TFDP2: variants seen among roughly 807,000 people sequenced by gnomAD.
TFDP2 encodes the protein transcription factor Dp-2.
TFDP2 carries 17 observed loss-of-function variants against 59.3 expected under a neutral mutation model. That is an observed-to-expected ratio of 0.29 (90% CI 0.20 to 0.43). The LOEUF is 0.43. Ranked by LOEUF, TFDP2 falls within the 20% of genes least tolerant of loss-of-function variation. The pLI is 1.00. For synonymous variants in TFDP2, 180 were observed against 194.7 expected (o/e 0.92, Z 0.63); for missense variants, 391 against 528.8 (o/e 0.74, Z 2.56).
Position 142,145,529 on chromosome 3 carries a change from C to G in TFDP2, c.-93+3654G>C, listed in dbSNP as rs529401216. 9 of 152,172 alleles carry G rather than the reference C, an allele frequency of 5.9e-5. No individual in the cohort carries two copies. In the South Asian group the frequency reaches 1.9e-3, roughly 32 times the overall value. 9.4% of individuals were successfully genotyped at this position (152,172 alleles called of 1,614,324 possible). A position where few individuals can be genotyped will look rare whatever the true frequency, so the allele number is the denominator to read the frequency against. On this transcript the variant is annotated intron_variant, in intron 1 of 12. Transcript: ENST00000489671. ...ATGGCCCCTGTGCAATGATGACACA[C>G]AAATTCTTAAAGCATTCCACATTTT...
intron 1 of TFDP2, among the ~76,000 whole-genome samples, chr3:142,133,318 G>T (rs2062585259): frequency 6.7e-6 from 1 of 150,070 alleles, no homozygotes; most frequent in Non-Finnish European, 1.5e-5. Flanking sequence ...CTAGCCTCAA[G>T]CAATCCTCCT....
At position 142,091,383 on chromosome 3, in the gene TFDP2, C is replaced by T. The variant is rs144379692; in HGVS notation, c.82+1678G>A. ...TTAAACCTGGCCAACAAGGTGAAAC[C>T]GTGGAAACCCTGTCTCTACCAAAAA... On this transcript the variant is annotated intron_variant, in intron 3 of 12. Transcript: ENST00000489671. Among the ~76,000 whole-genome samples the T allele has an allele frequency of 3.4e-3, 513 of 151,900 alleles. 2 individuals are homozygous for T. Among genetic ancestry groups the T allele is most frequent in the African/African-American group, 0.012 (499 of 41,428 alleles).
Position 142,051,897 on chromosome 3 carries a change from G to A in TFDP2, c.82+41164C>T, listed in dbSNP as rs1232669652. ...TCCCAGCACTTTGGGAAGCTGAAGC[G>A]GGAGGATTGCTTGAGCCCAAGAGTT... On this transcript the variant is annotated intron_variant, in intron 3 of 12. Transcript: ENST00000489671. Among the ~76,000 whole-genome samples, 9 of 152,090 alleles carry A rather than the reference G, an allele frequency of 5.9e-5. No individual in the cohort carries two copies. In the East Asian group the frequency reaches 1.7e-3, roughly 29 times the overall value.
At chr3:142,085,709 G>A (rs939171774) in intron 3 of TFDP2, among the ~76,000 whole-genome samples, 4 of 152,148 alleles carry the variant, frequency 2.6e-5, no homozygotes, top group African/African-American at 9.7e-5. Context: ...TTCAGGGTAT[G>A]TGCATATAAC....
chr3:142,040,071 T>C (rs553453547), intron 3 of TFDP2, among the ~76,000 whole-genome samples: 1 of 151,758 alleles, frequency 6.6e-6, no homozygotes, highest in African/African-American at 2.4e-5. Context: ...GTATACATGA[T>C]GTTTGCCATT....
intron 5 of TFDP2, chr3:141,994,634 T>C (rs11569202): frequency 0.07 from 10,763 of 153,766 alleles, 475 homozygotes; most frequent in Non-Finnish European, 0.11. Context: ...CTGGTCTTTA[T>C]GGAAGTAATT....
intron 3 of TFDP2, among the ~76,000 whole-genome samples, chr3:142,040,009 C>T (rs918937276): frequency 3.3e-5 from 5 of 152,128 alleles, no homozygotes; most frequent in Admixed American, 1.3e-4. Flanking sequence ...ATGGGAGAGG[C>T]GTGCCTATAT....
At chr3:142,078,377 G>C (rs1357065805) in intron 3 of TFDP2, among the ~76,000 whole-genome samples, 2 of 152,196 alleles carry the variant, frequency 1.3e-5, no homozygotes, top group Non-Finnish European at 2.9e-5. Flanking sequence ...CAGTCCCAGT[G>C]GTGGTGGCCA....
chr3:142,058,925 A>G (rs1348642568), intron 3 of TFDP2, among the ~76,000 whole-genome samples: 1 of 152,162 alleles, frequency 6.6e-6, no homozygotes, highest in Non-Finnish European at 1.5e-5. Flanking sequence ...GAAAGTTTCA[A>G]TCCTTGGTCT....
At chr3:142,038,603 G>A (rs1159507920) in intron 3 of TFDP2, among the ~76,000 whole-genome samples, 1 of 152,074 alleles carries the variant, frequency 6.6e-6, no homozygotes, top group African/African-American at 2.4e-5. Context: ...TACTGCACAT[G>A]CTCATGTCAG....
At chr3:142,052,261 T>G (rs372028986) in intron 3 of TFDP2, among the ~76,000 whole-genome samples, 32 of 152,022 alleles carry the variant, frequency 2.1e-4, no homozygotes, top group South Asian at 4.2e-4. Flanking sequence ...GTATTGGCCG[T>G]GCGCGGTGGC....
At chr3:142,141,096 C>T (rs1040653794) in intron 1 of TFDP2, among the ~76,000 whole-genome samples, 2 of 152,190 alleles carry the variant, frequency 1.3e-5, no homozygotes, top group Non-Finnish European at 2.9e-5. Flanking sequence ...TCCCCCAACC[C>T]GGCTGCAGCC....
Position 142,138,771 on chromosome 3 carries a change from G to A in TFDP2, c.-93+10412C>T, listed in dbSNP as rs149507361. ...ATTTCTGTTATTCTACATTTGCTGA[G>A]GAGTGCTTTACTTCCAATTATGTGG... is the stretch of plus-strand genomic sequence containing the variant. On this transcript the variant is annotated intron_variant, in intron 1 of 12. Coordinates refer to ENST00000489671, the MANE Select transcript of TFDP2 (RefSeq NM_001178139.2). 2.3e-3 allele frequency among the ~76,000 whole-genome samples: 343 copies of A among 152,304 alleles called. 4 individuals are homozygous for A. Among genetic ancestry groups the A allele is most frequent in the African/African-American group, 7.7e-3 (321 of 41,568 alleles).
intron 9 of TFDP2, 104 bp downstream of exon 9, chr3:141,969,969 C>G: frequency 8.8e-7 from 1 of 1,137,030 alleles, no homozygotes; most frequent in Non-Finnish European, 1.3e-6. Context: ...GGCGTGGGCT[C>G]ACCACACACC....
In TFDP2 at chr3:142,060,477, C is replaced by T. The variant is rs900476352; in HGVS notation, c.82+32584G>A. Among the ~76,000 whole-genome samples, 61 of 152,186 alleles carry T rather than the reference C, an allele frequency of 4.0e-4. 1 individual carries two copies. Among genetic ancestry groups the T allele is most frequent in the African/African-American group, 1.4e-3 (60 of 41,444 alleles). On this transcript the variant is annotated intron_variant, in intron 3 of 12. Transcript: ENST00000489671. Reference sequence around the variant, plus strand: ...CCACTCAACAAATATACAGTGAGCTCCTGTGAGACAGGCACTATGCTAGGT... The same window carrying T: ...CCACTCAACAAATATACAGTGAGCTTCTGTGAGACAGGCACTATGCTAGGT...
chr3:141,977,091 T>TAG (rs1553763125), intron 7 of TFDP2, among the ~76,000 whole-genome samples: 4,453 of 100,488 alleles, frequency 0.044, 258 homozygotes, highest in Middle Eastern at 0.078. Flanking sequence ...GTCATAGCCA[T>TAG]ATATATATAT....
intron 3 of TFDP2, among the ~76,000 whole-genome samples, chr3:142,052,360 A>T (rs1947676186): frequency 7.1e-6 from 1 of 140,500 alleles, no homozygotes; most frequent in Non-Finnish European, 1.5e-5. Context: ...ACACGGTGAA[A>T]CCCTGCCTCT....
Position 142,065,509 on chromosome 3 carries a change from G to GGT in TFDP2, c.82+27550_82+27551dup, listed in dbSNP as rs113935011. Among the ~76,000 whole-genome samples, 717 of 148,336 alleles carry GGT rather than the reference G, an allele frequency of 4.8e-3. 5 individuals are homozygous for GGT. Among genetic ancestry groups the GGT allele is most frequent in the African/African-American group, 0.014 (567 of 40,296 alleles). ...TTCACTCTGTGTGTGTGTGTGTGTG[G>GGT]GTGTGTGTGTGTGTGTGTTTGAGAC... On this transcript the variant is annotated intron_variant, in intron 3 of 12. Transcript: ENST00000489671.
intron 6 of TFDP2, among the ~76,000 whole-genome samples, chr3:141,984,917 T>C (rs936778809): frequency 2.0e-5 from 3 of 152,188 alleles, no homozygotes; most frequent in East Asian, 1.9e-4. Flanking sequence ...GTATTCATTT[T>C]ACTGTTCTTC....
Sources: gnomAD v4.1 joint callset for allele counts (sites outside exome capture counted in the v4.1 genomes callset) on GRCh38, gnomAD v4.1.1 for gene constraint, MANE v1.5 for transcripts, NCBI Gene and HGNC (gene_info 2026-07-23, HGNC 2026-07-21) for gene names.